ADAMTS17: variants seen among roughly 807,000 people sequenced by gnomAD.
ADAMTS17 encodes the protein A disintegrin and metalloproteinase with thrombospondin motifs 17.
In ADAMTS17, 113 loss-of-function variants were observed where a neutral mutation model predicts 141.5. That is an observed-to-expected ratio of 0.80 (90% CI 0.69 to 0.93). The LOEUF is 0.93. Among genes scored for constraint, ADAMTS17 ranks in the 40% least tolerant of loss-of-function variants. The probability of loss-of-function intolerance (pLI) is 0.00; values close to 1 mark genes in which losing one functional copy is unlikely to be tolerated. For missense variants in ADAMTS17, 1,659 were observed against 1,517.9 expected (o/e 1.09, Z -1.54); for synonymous variants, 768 against 630.6 (o/e 1.22, Z -3.27).
At chr15:100,092,277 T>C (rs151072328) in intron 15 of ADAMTS17, among the ~76,000 whole-genome samples, 1 of 152,346 alleles carries the variant, frequency 6.6e-6, no homozygotes, top group Non-Finnish European at 1.5e-5. Flanking sequence ...CGTCAGTTTA[T>C]GTAAGCATTT....
intron 14 of ADAMTS17, among the ~76,000 whole-genome samples, chr15:100,097,066 G>A (rs1193012093): frequency 6.6e-6 from 1 of 152,154 alleles, no homozygotes; most frequent in Non-Finnish European, 1.5e-5. Context: ...TTTTCAACAA[G>A]GCACGTCTGA....
chr15:100,055,818 A>G (rs2141612075), intron 15 of ADAMTS17, among the ~76,000 whole-genome samples: 1 of 152,288 alleles, frequency 6.6e-6, no homozygotes, highest in Non-Finnish European at 1.5e-5. Context: ...ATATACTCTG[A>G]CCCATTTAAT....
chr15:100,248,941 G>A (rs1397307064), intron 7 of ADAMTS17, among the ~76,000 whole-genome samples: 1 of 152,042 alleles, frequency 6.6e-6, no homozygotes, highest in Non-Finnish European at 1.5e-5. Context: ...TGGCATTACA[G>A]GTGCCCGCCA....
chr15:100,180,674 T>C (rs570769874), intron 8 of ADAMTS17, among the ~76,000 whole-genome samples: 6 of 152,352 alleles, frequency 3.9e-5, no homozygotes, highest in African/African-American at 1.2e-4. Context: ...TCCATTTTTT[T>C]TGAGTCCCCT....
chr15:100,208,434 A>T (rs968265063), intron 7 of ADAMTS17, among the ~76,000 whole-genome samples: 3 of 152,170 alleles, frequency 2.0e-5, no homozygotes, highest in Non-Finnish European at 4.4e-5. Context: ...GACGGGGCCC[A>T]CCTGCAGGGC....
intron 8 of ADAMTS17, among the ~76,000 whole-genome samples, chr15:100,188,950 T>A (rs1033896951): frequency 5.9e-5 from 9 of 152,230 alleles, no homozygotes; most frequent in Non-Finnish European, 1.3e-4. Flanking sequence ...CACCAAGTTA[T>A]ATATACCTGC....
chr15:100,257,884 A>G (rs375283108), intron 6 of ADAMTS17, among the ~76,000 whole-genome samples: 1 of 151,758 alleles, frequency 6.6e-6, no homozygotes, highest in South Asian at 2.1e-4. Flanking sequence ...CCACACCGAA[A>G]CTCTGTACCC....
chr15:100,139,904 T>C (rs2038536885), intron 10 of ADAMTS17, among the ~76,000 whole-genome samples: 1 of 152,206 alleles, frequency 6.6e-6, no homozygotes, highest in Non-Finnish European at 1.5e-5. Context: ...ACTGGTGAAA[T>C]CTAAATGTAT....
intron 14 of ADAMTS17, among the ~76,000 whole-genome samples, chr15:100,104,102 C>T (rs960106712): frequency 6.6e-6 from 1 of 152,226 alleles, no homozygotes. Context: ...GCAAGCATAG[C>T]TGGGTCTCAG....
chr15:100,135,790 G>T (rs751684136), intron 10 of ADAMTS17, among the ~76,000 whole-genome samples: 1 of 152,180 alleles, frequency 6.6e-6, no homozygotes, highest in Admixed American at 6.5e-5. Flanking sequence ...TCATAAAAGA[G>T]AATGTTTAAA....
At chr15:100,043,437 G>A (rs912586028) in intron 18 of ADAMTS17, among the ~76,000 whole-genome samples, 3 of 152,142 alleles carry the variant, frequency 2.0e-5, no homozygotes, top group Non-Finnish European at 4.4e-5. Context: ...ATTCTAACAC[G>A]TCCTCCTTTG....
intron 8 of ADAMTS17, among the ~76,000 whole-genome samples, chr15:100,178,510 G>C (rs1431729731): frequency 6.6e-6 from 1 of 152,140 alleles, no homozygotes; most frequent in African/African-American, 2.4e-5. Flanking sequence ...TTCAAAGCTA[G>C]AATATGACTT....
intron 7 of ADAMTS17, among the ~76,000 whole-genome samples, chr15:100,215,629 C>T (rs1241344751): frequency 6.6e-6 from 1 of 152,020 alleles, no homozygotes; most frequent in Non-Finnish European, 1.5e-5. Context: ...GCTGGCCTGG[C>T]CTAAGTGACT....
At chr15:100,086,699 G>T (rs866515304) in intron 15 of ADAMTS17, among the ~76,000 whole-genome samples, 2 of 150,804 alleles carry the variant, frequency 1.3e-5, no homozygotes, top group South Asian at 4.2e-4. Context: ...ACTCAAAACC[G>T]CTCAACTACA....
At chr15:100,064,144 G>A (rs34365483) in intron 15 of ADAMTS17, among the ~76,000 whole-genome samples, 34,577 of 151,884 alleles carry the variant, frequency 0.23, 4,766 homozygotes, top group East Asian at 0.51. Flanking sequence ...AAACAGACAT[G>A]CACATAGGGA....
chr15:100,242,740 C>T (rs1334138493), intron 7 of ADAMTS17, among the ~76,000 whole-genome samples: 1 of 152,212 alleles, frequency 6.6e-6, no homozygotes, highest in Non-Finnish European at 1.5e-5. Flanking sequence ...TTTTCTTGGA[C>T]AAAATCTCAA....
At chr15:100,292,334 G>A (rs964806539) in intron 3 of ADAMTS17, among the ~76,000 whole-genome samples, 1 of 150,566 alleles carries the variant, frequency 6.6e-6, no homozygotes, top group African/African-American at 2.4e-5. Flanking sequence ...CAGCCCGTGT[G>A]GAATTACGAG....
chr15:100,095,169 T>A (rs1013212688), intron 15 of ADAMTS17, among the ~76,000 whole-genome samples: 1 of 152,234 alleles, frequency 6.6e-6, no homozygotes, highest in Non-Finnish European at 1.5e-5. Context: ...CTCCTTTCTC[T>A]GTTGACCTCA....
At chr15:100,329,983 T>A (rs563408463) in intron 3 of ADAMTS17, among the ~76,000 whole-genome samples, 15 of 152,268 alleles carry the variant, frequency 9.9e-5, no homozygotes, top group African/African-American at 3.6e-4. Flanking sequence ...CATACAAAGA[T>A]AAGTCTTTAA....
Sources: allele counts gnomAD v4.1 joint callset (sites outside exome capture counted in the v4.1 genomes callset), GRCh38; gene constraint gnomAD v4.1.1; transcripts MANE v1.5; gene names NCBI Gene and HGNC (gene_info 2026-07-23, HGNC 2026-07-21).